VAV2: variants seen among roughly 807,000 people sequenced by gnomAD.
VAV2 encodes vav guanine nucleotide exchange factor 2.
A neutral mutation model predicts 132.5 loss-of-function variants in VAV2; 67 were observed. The ratio of observed to expected loss-of-function variants is 0.51; its 90% CI spans 0.42 to 0.62. The LOEUF (loss-of-function observed/expected upper bound fraction) is 0.62, where lower values mean the gene tolerates loss of function less well. Among genes scored for constraint, VAV2 ranks in the 20% least tolerant of loss-of-function variants. The pLI, the probability that VAV2 is intolerant of heterozygous loss-of-function variation, is 0.00. For synonymous variants in VAV2, 492 were observed against 443.5 expected (o/e 1.11, Z -1.37); for missense variants, 938 against 1,153.6 (o/e 0.81, Z 2.71).
At chr9:133,789,492 C>G (rs991134666) in intron 13 of VAV2, 149 bp from the exon 14 acceptor site, 3 of 716,870 alleles carry the variant, frequency 4.2e-6, no homozygotes, top group Admixed American at 2.3e-5. Context: ...TGGCTCCCAG[C>G]TGGTGCTCAG....
chr9:133,780,958 G>A (rs1225233571), intron 19 of VAV2, among the ~76,000 whole-genome samples: 2 of 152,210 alleles, frequency 1.3e-5, no homozygotes, highest in East Asian at 1.9e-4. Context: ...GGAGAACTTG[G>A]ACTGGGTAAT....
intron 3 of VAV2, among the ~76,000 whole-genome samples, chr9:133,839,333 G>T (rs1195121657): frequency 6.6e-6 from 1 of 151,972 alleles, no homozygotes; most frequent in Non-Finnish European, 1.5e-5. Flanking sequence ...GAACAAATGA[G>T]TGGGTTGGTG....
At chr9:133,911,907 AAAGT>A (rs1478839181) in intron 2 of VAV2, among the ~76,000 whole-genome samples, 2 of 152,232 alleles carry the variant, frequency 1.3e-5, no homozygotes, top group Admixed American at 1.3e-4. Flanking sequence ...CCAGGCCAAG[AAAGT>A]AAGTCAGATT....
In VAV2 at chr9:133,919,487, G is replaced by C. The variant is rs540576374; in HGVS notation, c.321+19616C>G. On this transcript the variant is annotated intron_variant, in intron 2 of 29. Coordinates refer to ENST00000371850, the MANE Select transcript of VAV2 (RefSeq NM_001134398.2). This position sits in a 1 kb window ranked among gnomAD's most constrained non-coding sequence, Gnocchi z 5.8. ...CCCAGGTGTCCCGGCTCCCAGCCCAGGGACTCACTGTCCCCCGGGGCCAGG... is the reference window on the plus strand; with the variant it reads ...CCCAGGTGTCCCGGCTCCCAGCCCACGGACTCACTGTCCCCCGGGGCCAGG... Among the ~76,000 whole-genome samples the C allele has an allele frequency of 6.8e-4, 104 of 152,308 alleles. No individual in the cohort carries two copies. The highest frequency in any genetic ancestry group is 2.4e-3 in the African/African-American group (98 of 41,568).
intron 5 of VAV2, among the ~76,000 whole-genome samples, chr9:133,811,047 A>C (rs1835339590): frequency 1.3e-5 from 2 of 152,220 alleles, no homozygotes; most frequent in African/African-American, 2.4e-5. Context: ...GCCATGGCTC[A>C]GTCTTCCAGC....
rs994905943 is a variant in VAV2, at chr9:133,935,088, G to C, written c.321+4015C>G. Among the ~76,000 whole-genome samples, 2 of 151,492 alleles carry C rather than the reference G, an allele frequency of 1.3e-5. No homozygotes were observed. The highest frequency in any genetic ancestry group is 4.9e-5 in the African/African-American group (2 of 41,198). Reference sequence around the variant, plus strand: ...ACTGCAGAGCTTTGTGTTCTGGGGAGAAACAGCTGCCACCCCCGTCCTGGG... The same window carrying C: ...ACTGCAGAGCTTTGTGTTCTGGGGACAAACAGCTGCCACCCCCGTCCTGGG... On this transcript the variant is annotated intron_variant, in intron 2 of 29. Transcript: ENST00000371850. The surrounding 1 kb of genome is among the most constrained non-coding windows in gnomAD (Gnocchi z 5.2).
At chr9:133,939,432 G>A in intron 1 of VAV2, 1 of 592,832 alleles carries the variant, frequency 1.7e-6, no homozygotes, top group Middle Eastern at 3.1e-4. Context: ...GGATGGAAGT[G>A]GAAGCAGGCA....
intron 2 of VAV2, among the ~76,000 whole-genome samples, chr9:133,864,624 C>T (rs2131878448): frequency 6.6e-6 from 1 of 152,388 alleles, no homozygotes; most frequent in African/African-American, 2.4e-5. Flanking sequence ...CTACCCCCGC[C>T]ACCCCACAGG....
chr9:133,796,702 G>A (rs41302911), intron 10 of VAV2, among the ~76,000 whole-genome samples, 178 bp from the exon 11 acceptor site: 3,636 of 152,212 alleles, frequency 0.024, 53 homozygotes, highest in East Asian at 0.05. Flanking sequence ...CAGAGGGGGG[G>A]GCTTCACAAC....
intron 2 of VAV2, among the ~76,000 whole-genome samples, chr9:133,921,204 A>G (rs1485874860): frequency 6.6e-6 from 1 of 152,202 alleles, no homozygotes; most frequent in African/African-American, 2.4e-5. Flanking sequence ...TCCCCACCAG[A>G]TGACAGCTCT....
At chr9:133,890,675 G>A (rs1458335483) in intron 2 of VAV2, among the ~76,000 whole-genome samples, 1 of 152,188 alleles carries the variant, frequency 6.6e-6, no homozygotes, top group Non-Finnish European at 1.5e-5. Context: ...AGAAAGGAAG[G>A]GGAGGTGAGG....
intron 2 of VAV2, among the ~76,000 whole-genome samples, chr9:133,913,831 T>C (rs1264454410): frequency 6.6e-6 from 1 of 152,042 alleles, no homozygotes; most frequent in African/African-American, 2.4e-5. Context: ...GCAGCCATGG[T>C]GGGATATTCG....
chr9:133,805,196 C>T (rs569257624), intron 9 of VAV2, among the ~76,000 whole-genome samples: 1 of 152,256 alleles, frequency 6.6e-6, no homozygotes, highest in South Asian at 2.1e-4. Flanking sequence ...AATGCCTAGG[C>T]TCAGGGCCGC....
rs111845250 is a variant in VAV2 at position 133,935,497 on chromosome 9, G to A, written c.321+3606C>T. 0.017 allele frequency among the ~76,000 whole-genome samples: 2,520 copies of A among 152,328 alleles called. 32 individuals carry two copies. Among genetic ancestry groups the A allele is most frequent in the Middle Eastern group, 0.048 (14 of 294 alleles). On this transcript the variant is annotated intron_variant, in intron 2 of 29. Transcript: ENST00000371850. The surrounding 1 kb of genome is among the most constrained non-coding windows in gnomAD (Gnocchi z 5.2). ...CTCCCCTCTGTCCACGGCAGGGACT[G>A]CAACAAATACGCCCCGGCCCAGCAA...
At chr9:133,808,855 G>A (rs1224149157) in intron 7 of VAV2, among the ~76,000 whole-genome samples, 185 bp downstream of exon 7, 1 of 152,232 alleles carries the variant, frequency 6.6e-6, no homozygotes, top group Non-Finnish European at 1.5e-5. Flanking sequence ...TCAGAGGAAA[G>A]GAGAGGGCAC....
rs750193368 is a variant in VAV2 at position 133,776,039 on chromosome 9, A to G, written c.2007T>C (p.Thr669=). Residue 669 remains threonine (T), a synonymous_variant, in exon 24 of 30, where the codon ACT becomes ACC. Transcript: ENST00000371850. ...CACGATCCACTCACCAGGGGTATGCAGTGTAGTCGATCTCCCGGGATGGCG... is the reference window on the plus strand; with the variant it reads ...CACGATCCACTCACCAGGGGTATGCGGTGTAGTCGATCTCCCGGGATGGCG... ...SRPPSREIDY[T]AYPWFAGNME... 1.2e-6 allele frequency: 2 copies of G among 1,612,882 alleles called. No individual in the cohort carries two copies. Among genetic ancestry groups the G allele is most frequent in the South Asian group, 2.2e-5 (2 of 90,946 alleles).
chr9:133,883,313 C>T lies in VAV2; in HGVS notation c.322-21881G>A, dbSNP rs942250251. On this transcript the variant is annotated intron_variant, in intron 2 of 29. Coordinates refer to ENST00000371850, the MANE Select transcript of VAV2 (RefSeq NM_001134398.2). The surrounding 1 kb of genome is among the most constrained non-coding windows in gnomAD (Gnocchi z 4.2). ...TGGCGGACCCACAGAGGAGCGAAGG[C>T]GCAGAGACCCATCCGTTGAGACAGC... Among the ~76,000 whole-genome samples the T allele has an allele frequency of 2.0e-5, 3 of 152,200 alleles. No homozygotes were observed. The highest frequency in any genetic ancestry group is 4.4e-5 in the Non-Finnish European group (3 of 68,034).
At chr9:133,809,363 C>T (rs557161582) in intron 6 of VAV2, among the ~76,000 whole-genome samples, 4 of 152,224 alleles carry the variant, frequency 2.6e-5, no homozygotes, top group East Asian at 1.9e-4. Context: ...GGGGATGTGA[C>T]GTGGGGACAG....
At chr9:133,808,893 G>T in intron 7 of VAV2, 147 bp downstream of exon 7, 1 of 694,854 alleles carries the variant, frequency 1.4e-6, no homozygotes, top group Non-Finnish European at 2.3e-6. Context: ...GGTACCTGGA[G>T]GCAGAGCTGG....
Sources: gnomAD v4.1 joint callset for allele counts (sites outside exome capture counted in the v4.1 genomes callset) on GRCh38, gnomAD v4.1.1 for gene constraint, Gnocchi (gnomAD v3.1) non-coding constraint, MANE v1.5 for transcripts, NCBI Gene and HGNC (gene_info 2026-07-23, HGNC 2026-07-21) for gene names.